ZNF730: variants seen among roughly 807,000 people sequenced by gnomAD.
ZNF730 encodes the protein zinc finger protein 730.
A neutral mutation model predicts 12.6 loss-of-function variants in ZNF730; 12 were observed. The ratio of observed to expected loss-of-function variants is 0.95; its 90% confidence interval spans 0.61 to 1.54. The LOEUF is 1.54. Among genes scored for constraint, ZNF730 ranks in the 40% most tolerant of loss-of-function variants. The pLI, the probability that ZNF730 is intolerant of heterozygous loss-of-function variation, is 0.00. For synonymous variants in ZNF730, 194 were observed against 195.8 expected (o/e 0.99, Z 0.08); for missense variants, 643 against 583.5 (o/e 1.10, Z -1.05).
At chr19:23,107,475 A>AAAAAAAAAAAAAAAAAAC (rs752480467) in intron 1 of ZNF730, among the ~76,000 whole-genome samples, 2 of 118,932 alleles carry the variant, frequency 1.7e-5, no homozygotes, top group African/African-American at 2.8e-5. Context: ...AAAAAAAAAA[A>AAAAAAAAAAAAAAAAAAC]CCACCACAGC....
intron 1 of ZNF730, chr19:23,127,983 C>A: frequency 1.4e-6 from 1 of 738,160 alleles, no homozygotes; most frequent in South Asian, 1.4e-5. Flanking sequence ...GCAGGCTCCT[C>A]AGTAGGTCAA....
chr19:23,127,919 A>C (rs73557564), intron 1 of ZNF730: 131 of 682,574 alleles, frequency 1.9e-4, no homozygotes, highest in Middle Eastern at 4.2e-4. Flanking sequence ...TATGATGTGA[A>C]GGTTGGCCTA....
At chr19:23,077,678 G>T (rs1021620535) in intron 1 of ZNF730, among the ~76,000 whole-genome samples, 2 of 152,060 alleles carry the variant, frequency 1.3e-5, no homozygotes, top group Non-Finnish European at 2.9e-5. Flanking sequence ...CTGATGTCAA[G>T]TGATCTGACC....
chr19:23,092,179 C>A (rs1254035069), intron 1 of ZNF730, among the ~76,000 whole-genome samples: 1 of 152,122 alleles, frequency 6.6e-6, no homozygotes, highest in Non-Finnish European at 1.5e-5. Flanking sequence ...TAAGAAGGGC[C>A]TTTTGCCTCC....
At chr19:23,078,491 G>T (rs1279400790) in intron 1 of ZNF730, among the ~76,000 whole-genome samples, 1 of 152,092 alleles carries the variant, frequency 6.6e-6, no homozygotes, top group Admixed American at 6.6e-5. Context: ...ATGACACAGA[G>T]ATATTTGTTC....
chr19:23,146,058 A>G lies in ZNF730; in HGVS notation c.1014A>G (p.Lys338=), dbSNP rs751848978. ...ATAAAAGAATTCATAATGGAGAAAAACCCTACAAATGTGAAGAATGTGGCA... is the reference window on the plus strand; with the variant it reads ...ATAAAAGAATTCATAATGGAGAAAAGCCCTACAAATGTGAAGAATGTGGCA... ...TKHKRIHNGE[K]PYKCEECGKA... is the part of the protein sequence containing the mutation. Residue 338 remains lysine (K), a synonymous_variant, in exon 4 of 4, where the codon AAA becomes AAG. Coordinates refer to ENST00000597761, the MANE Select transcript of ZNF730 (RefSeq NM_001277403.2). The G allele has an allele frequency of 5.0e-6, 8 of 1,612,040 alleles. No homozygotes were observed. Among genetic ancestry groups the G allele is most frequent in the Non-Finnish European group, 6.8e-6 (8 of 1,179,456 alleles).
chr19:23,110,021 C>T (rs1451704563), intron 1 of ZNF730, among the ~76,000 whole-genome samples: 2 of 150,310 alleles, frequency 1.3e-5, no homozygotes, highest in Admixed American at 1.3e-4. Flanking sequence ...GGCTAGGGTG[C>T]AGTGGTGTGA....
intron 3 of ZNF730, 74 bp from the exon 4 acceptor site, chr19:23,145,197 A>T: frequency 1.9e-6 from 2 of 1,045,436 alleles, no homozygotes; most frequent in Non-Finnish European, 2.6e-6. Flanking sequence ...TAGTTTGTAT[A>T]ACTTTATAGG....
At chr19:23,089,249 C>T (rs972028713) in intron 1 of ZNF730, among the ~76,000 whole-genome samples, 1 of 151,996 alleles carries the variant, frequency 6.6e-6, no homozygotes, top group African/African-American at 2.4e-5. Context: ...TTCTGTCTCC[C>T]AGGCTGGAGT....
chr19:23,144,742 CTCTG>C (rs937313112), intron 3 of ZNF730, among the ~76,000 whole-genome samples: 3 of 148,032 alleles, frequency 2.0e-5, no homozygotes, highest in Non-Finnish European at 4.5e-5. Flanking sequence ...TACATTTGTT[CTCTG>C]TCTGTGATAC....
chr19:23,117,216 G>A (rs1290452045), intron 1 of ZNF730, 40 bp downstream of exon 1: 2 of 1,613,590 alleles, frequency 1.2e-6, no homozygotes, highest in East Asian at 2.2e-5. Flanking sequence ...AGGGAACGGG[G>A]CTGGTTGGAA....
Position 23,136,054 on chromosome 19 carries a change from G to A in ZNF730, c.226+11G>A, listed in dbSNP as rs1023576710. On this transcript the variant is annotated intron_variant, in intron 3 of 3. Transcript: ENST00000597761. ...TAGCCAAACCCCCAGGTAGGTGACA[G>A]TAAATACAATACACAAAACTGATAA... 63 of 1,571,840 alleles carry A rather than the reference G, an allele frequency of 4.0e-5. No homozygotes were observed. The highest frequency in any genetic ancestry group is 1.9e-4 in the Admixed American group (10 of 53,854).
rs1332715194 is a variant in ZNF730, at chr19:23,106,151, AAGG to A, written c.-93-27926_-93-27924del. 2.0e-5 allele frequency among the ~76,000 whole-genome samples: 3 copies of A among 151,182 alleles called. No individual in the cohort carries two copies. The East Asian group carries it at 5.8e-4, about 29-fold the overall frequency. On this transcript the variant is annotated intron_variant, in intron 1 of 2. Coordinates refer to the ZNF730 transcript ENST00000593635. ...CCTAAAAAAAAGAAGAAGAAAGCAG[AAGG>A]AGAAGGAGAAGGGGAGATGGAGAAA...
intron 1 of ZNF730, among the ~76,000 whole-genome samples, chr19:23,096,992 T>C (rs2145512738): frequency 6.6e-6 from 1 of 152,336 alleles, no homozygotes; most frequent in African/African-American, 2.4e-5. Flanking sequence ...TTCTGGCATA[T>C]TCTGGGTATA....
intron 3 of ZNF730, among the ~76,000 whole-genome samples, chr19:23,140,587 G>A (rs1340789876): frequency 6.8e-6 from 1 of 147,340 alleles, no homozygotes; most frequent in Non-Finnish European, 1.5e-5. Context: ...CTCCAGCCTG[G>A]GCAAAGCAAG....
At chr19:23,129,075 G>A (rs1305835735) in intron 1 of ZNF730, among the ~76,000 whole-genome samples, 2 of 152,200 alleles carry the variant, frequency 1.3e-5, no homozygotes, top group Non-Finnish European at 2.9e-5. Flanking sequence ...CCTCCACCTA[G>A]ATTTCAGAGC....
Position 23,145,664 on chromosome 19 carries a change from G to T in ZNF730, c.620G>T (p.Gly207Val). The T allele has an allele frequency of 6.4e-7, 1 of 1,556,630 alleles. No homozygotes were observed. Among genetic ancestry groups the T allele is most frequent in the South Asian group, 1.2e-5 (1 of 84,134 alleles). ...GEKSYKCEEY[G>V]KAFNESSNCT... ...AAATCCTACAAATGTGAAGAATATGGCAAAGCCTTTAATGAGTCCTCAAAC... is the reference window on the plus strand; with the variant it reads ...AAATCCTACAAATGTGAAGAATATGTCAAAGCCTTTAATGAGTCCTCAAAC... Residue 207 changes from glycine (G) to valine (V), a missense_variant, in exon 4 of 4, where the codon GGC becomes GTC. Gly to Val is a moderately radical substitution (Grantham distance 109). Coordinates refer to ENST00000597761, the MANE Select transcript of ZNF730 (RefSeq NM_001277403.2).
intron 3 of ZNF730, among the ~76,000 whole-genome samples, chr19:23,139,372 G>T (rs1349237034): frequency 6.6e-6 from 1 of 151,932 alleles, no homozygotes; most frequent in East Asian, 1.9e-4. Context: ...TTTATCAAAA[G>T]TTTTTCATAG....
intron 1 of ZNF730, among the ~76,000 whole-genome samples, chr19:23,111,815 A>G (rs933358054): frequency 2.6e-5 from 4 of 152,192 alleles, no homozygotes; most frequent in Non-Finnish European, 5.9e-5. Context: ...TTGCTTTTGT[A>G]ATTGCAGATT....
Sources: gnomAD v4.1 joint callset for allele counts (sites outside exome capture counted in the v4.1 genomes callset) on GRCh38, gnomAD v4.1.1 for gene constraint, MANE v1.5 for transcripts, NCBI Gene and HGNC (gene_info 2026-07-23, HGNC 2026-07-21) for gene names.